Variants in TEAD1 observed in about 807,000 individuals in gnomAD.
The protein encoded by TEAD1 is transcriptional enhancer factor TEF-1.
Under a neutral mutation model 54.9 loss-of-function variants are expected in TEAD1, and 9 were observed. The observed-to-expected ratio is 0.16, with a 90% CI of 0.10 to 0.29. The LOEUF is 0.29. TEAD1 is among the 10% of genes least tolerant of loss of function. TEAD1 has a pLI of 1.00. For synonymous variants in TEAD1, 200 were observed against 187.8 expected (o/e 1.07, Z -0.53); for missense variants, 387 against 535.9 (o/e 0.72, Z 2.74).
chr11:12,930,889 C>G (rs1949001331), intron 12 of TEAD1, among the ~76,000 whole-genome samples: 2 of 152,292 alleles, frequency 1.3e-5, no homozygotes, highest in African/African-American at 4.8e-5. Flanking sequence ...AATATAAGCT[C>G]TCAGTACCAG....
chr11:12,696,670 T>C (rs1943590981), intron 2 of TEAD1, among the ~76,000 whole-genome samples: 1 of 151,960 alleles, frequency 6.6e-6, no homozygotes, highest in Admixed American at 6.6e-5. Flanking sequence ...TTAGTGGGAG[T>C]GGGTTTCTGT....
intron 3 of TEAD1, among the ~76,000 whole-genome samples, chr11:12,808,008 A>G (rs1946213572): frequency 6.6e-6 from 1 of 152,226 alleles, no homozygotes; most frequent in African/African-American, 2.4e-5. Context: ...TTCTTTGGGT[A>G]TGAAACATAA....
intron 3 of TEAD1, among the ~76,000 whole-genome samples, chr11:12,804,957 A>T (rs1039412448): frequency 2.0e-5 from 3 of 152,212 alleles, no homozygotes; most frequent in African/African-American, 7.2e-5. Context: ...CTGCAGAGAC[A>T]TGGGTGAAGA....
intron 2 of TEAD1, among the ~76,000 whole-genome samples, chr11:12,706,996 C>T (rs1033568692): frequency 3.3e-5 from 5 of 151,940 alleles, no homozygotes; most frequent in South Asian, 2.1e-4. Context: ...GTTTTACCCT[C>T]GTATGTCTCA....
intron 10 of TEAD1, 82 bp downstream of exon 10, chr11:12,902,195 G>A (rs1948436548): frequency 1.9e-6 from 3 of 1,576,632 alleles, no homozygotes; most frequent in Non-Finnish European, 2.6e-6. Context: ...AGCACAGCTG[G>A]CTTTGGATTT....
At chr11:12,783,993 A>C (rs1945622849) in intron 3 of TEAD1, among the ~76,000 whole-genome samples, 1 of 152,150 alleles carries the variant, frequency 6.6e-6, no homozygotes, top group Non-Finnish European at 1.5e-5. Flanking sequence ...GAGGAGAATT[A>C]TTCTGGAGGC....
chr11:12,914,970 A>T (rs1948684402), intron 10 of TEAD1, among the ~76,000 whole-genome samples: 1 of 152,260 alleles, frequency 6.6e-6, no homozygotes. Flanking sequence ...CTCGGAGAGG[A>T]TGAAGAAGAG....
chr11:12,711,739 C>T (rs1057069763), intron 2 of TEAD1, among the ~76,000 whole-genome samples: 6 of 152,250 alleles, frequency 3.9e-5, no homozygotes, highest in Middle Eastern at 3.4e-3. Context: ...AGCAAGGTAA[C>T]GTGGAAGGTG....
At chr11:12,705,136 G>A (rs1224008355) in intron 2 of TEAD1, among the ~76,000 whole-genome samples, 1 of 152,220 alleles carries the variant, frequency 6.6e-6, no homozygotes, top group Non-Finnish European at 1.5e-5. Flanking sequence ...TGGAAGGAGG[G>A]ATGAGGCAGG....
chr11:12,903,636 G>A (rs560101415), intron 10 of TEAD1, among the ~76,000 whole-genome samples: 1 of 152,168 alleles, frequency 6.6e-6, no homozygotes, highest in East Asian at 1.9e-4. Context: ...GCCAAATAGT[G>A]AAACCCTGTC....
At chr11:12,730,416 G>GT (rs59731479) in intron 2 of TEAD1, among the ~76,000 whole-genome samples, 3,704 of 60,258 alleles carry the variant, frequency 0.061, 582 homozygotes, top group Non-Finnish European at 0.091. Flanking sequence ...CCAGTTGAGT[G>GT]TTTTTTTTTT....
chr11:12,687,951 T>A (rs1943368144), intron 2 of TEAD1, among the ~76,000 whole-genome samples: 1 of 152,146 alleles, frequency 6.6e-6, no homozygotes, highest in South Asian at 2.1e-4. Context: ...TGCTGTAGTT[T>A]GGAAGTTTGG....
chr11:12,798,396 G>A (rs1323142458), intron 3 of TEAD1, among the ~76,000 whole-genome samples: 1 of 151,992 alleles, frequency 6.6e-6, no homozygotes, highest in African/African-American at 2.4e-5. Flanking sequence ...GATTTTTAAC[G>A]TATAATGTGC....
chr11:12,903,197 C>T (rs867429570), intron 10 of TEAD1, among the ~76,000 whole-genome samples: 51 of 152,168 alleles, frequency 3.4e-4, no homozygotes, highest in Middle Eastern at 3.2e-3. Context: ...GCTCGTAGAT[C>T]ACCAGAGACA....
At position 12,810,343 on chromosome 11, in the gene TEAD1, G is replaced by A. The variant is rs188644001; in HGVS notation, c.202+45909G>A. Among the ~76,000 whole-genome samples the A allele has an allele frequency of 3.3e-5, 5 of 152,248 alleles. No homozygotes were observed. In the East Asian group the frequency reaches 5.8e-4, roughly 18 times the overall value. On this transcript the variant is annotated intron_variant, in intron 3 of 12. Coordinates refer to ENST00000527636, the MANE Select transcript of TEAD1 (RefSeq NM_021961.6). The stretch of plus-strand genomic sequence containing the variant: ...TGTTTAGAGGTGTAAGGGAGCTTGC[G>A]AAGTTGGGAAGTGTCCGGATGTATG...
At chr11:12,801,995 T>G (rs1946069138) in intron 3 of TEAD1, among the ~76,000 whole-genome samples, 1 of 152,236 alleles carries the variant, frequency 6.6e-6, no homozygotes, top group East Asian at 1.9e-4. Flanking sequence ...TTCAGGTCAC[T>G]GTGGAATGAG....
chr11:12,795,983 G>A (rs1945911037), intron 3 of TEAD1, among the ~76,000 whole-genome samples: 1 of 152,168 alleles, frequency 6.6e-6, no homozygotes, highest in Admixed American at 6.5e-5. Context: ...GGACCACTGT[G>A]GGGCTGGAGG....
chr11:12,704,075 A>G (rs188151992), intron 2 of TEAD1, among the ~76,000 whole-genome samples: 23 of 152,250 alleles, frequency 1.5e-4, no homozygotes, highest in Non-Finnish European at 2.6e-4. Flanking sequence ...AGATACATAT[A>G]TTTATTTCTT....
At chr11:12,750,650 C>G (rs1223630087) in intron 2 of TEAD1, among the ~76,000 whole-genome samples, 1 of 152,166 alleles carries the variant, frequency 6.6e-6, no homozygotes, top group Non-Finnish European at 1.5e-5. Flanking sequence ...AAACAGTCCA[C>G]CTTTCGTCAT....
Sources: allele counts gnomAD v4.1 joint callset (sites outside exome capture counted in the v4.1 genomes callset), GRCh38; gene constraint gnomAD v4.1.1; transcripts MANE v1.5; gene names NCBI Gene and HGNC (gene_info 2026-07-23, HGNC 2026-07-21).